Variants in METTL24 observed in about 807,000 individuals in gnomAD.
METTL24 encodes the protein methyltransferase like 24.
A neutral mutation model predicts 32.7 loss-of-function variants in METTL24; 29 were observed. The ratio of observed to expected loss-of-function variants is 0.89; its 90% CI spans 0.66 to 1.21. The LOEUF (loss-of-function observed/expected upper bound fraction) is 1.21. Among genes scored for constraint, METTL24 ranks in the 50% most tolerant of loss-of-function variants. The pLI is 0.00. For missense variants in METTL24, 439 were observed against 468.1 expected, an observed-to-expected ratio of 0.94 and a Z score of 0.57; for synonymous variants, 163 against 179.5, an observed-to-expected ratio of 0.91 and a Z score of 0.73.
In METTL24 at chr6:110,299,051, C is replaced by T; in HGVS notation, c.657G>A (p.Glu219=). 2 of 1,614,208 alleles carry T rather than the reference C, an allele frequency of 1.2e-6. No individual in the cohort carries two copies. The highest frequency in any genetic ancestry group is 2.2e-5 in the South Asian group (2 of 91,082). The stretch of plus-strand genomic sequence containing the variant: ...AGCGGTGATACCAAAGGTGCTGACT[C>T]TCCAGAATGTGAGCTGACTTGACAC... The part of the protein sequence containing the change: ...DPSVKSAHIL[E]SQHLWYHRLS... The change falls in exon 4 of 5, where the codon GAG becomes GAA. Residue 219 remains glutamate (E), a synonymous_variant. Coordinates refer to ENST00000338882, the MANE Select transcript of METTL24 (RefSeq NM_001123364.3).
At chr6:110,334,540 A>T (rs1025333769) in intron 1 of METTL24, among the ~76,000 whole-genome samples, 4 of 152,154 alleles carry the variant, frequency 2.6e-5, no homozygotes. Context: ...CTCCTCTGAG[A>T]CAGGACAAAA....
intron 4 of METTL24, among the ~76,000 whole-genome samples, chr6:110,277,692 C>A (rs1289416045): frequency 2.0e-5 from 3 of 152,126 alleles, no homozygotes; most frequent in Non-Finnish European, 4.4e-5. Context: ...AACAAACCTT[C>A]TTCTACTTGG....
chr6:110,323,280 G>T (rs1403924300), intron 1 of METTL24, among the ~76,000 whole-genome samples: 1 of 152,230 alleles, frequency 6.6e-6, no homozygotes, highest in Non-Finnish European at 1.5e-5. Context: ...TCAAGAATAT[G>T]TGCCTCTCTA....
chr6:110,339,506 G>A (rs1772309235), intron 1 of METTL24, among the ~76,000 whole-genome samples: 1 of 152,156 alleles, frequency 6.6e-6, no homozygotes, highest in African/African-American at 2.4e-5. Context: ...ACTAAAATCT[G>A]GAGGTGTTCT....
Position 110,244,770 on chromosome 6 carries a change from A to G in METTL24, c.*1176T>C, listed in dbSNP as rs1048740072. 6.6e-6 allele frequency among the ~76,000 whole-genome samples: 1 copy of G among 152,114 alleles called. No homozygotes were observed. The highest frequency in any genetic ancestry group is 1.5e-5 in the Non-Finnish European group (1 of 68,026). On this transcript the variant is annotated 3_prime_UTR_variant, in exon 5 of 5. Coordinates refer to ENST00000338882, the MANE Select transcript of METTL24 (RefSeq NM_001123364.3). ...TACCTCTCACCAGGTCCCTCCCACA[A>G]CACGTGGGGATTATGGGAACTACAA...
At chr6:110,266,600 T>C (rs747596549) in intron 4 of METTL24, among the ~76,000 whole-genome samples, 5 of 152,122 alleles carry the variant, frequency 3.3e-5, no homozygotes, top group Non-Finnish European at 5.9e-5. Flanking sequence ...CACTGTCCTA[T>C]CCCTCCTCTC....
intron 4 of METTL24, among the ~76,000 whole-genome samples, chr6:110,291,750 T>C (rs1005749129): frequency 6.6e-6 from 1 of 152,182 alleles, no homozygotes; most frequent in African/African-American, 2.4e-5. Flanking sequence ...TGGGTCCATA[T>C]GTTCTCAGCA....
At chr6:110,349,017 C>T (rs1772538941) in intron 1 of METTL24, among the ~76,000 whole-genome samples, 1 of 152,054 alleles carries the variant, frequency 6.6e-6, no homozygotes, top group Non-Finnish European at 1.5e-5. Flanking sequence ...GATCTCGGTC[C>T]CCTGAAAAGA....
chr6:110,301,637 CA>C (rs1771518649), intron 3 of METTL24, among the ~76,000 whole-genome samples: 1 of 152,192 alleles, frequency 6.6e-6, no homozygotes, highest in Non-Finnish European at 1.5e-5. Context: ...CAGCTAAGCC[CA>C]TCCTGGATCA....
chr6:110,268,762 A>G (rs17071358), intron 4 of METTL24, among the ~76,000 whole-genome samples: 27,400 of 151,962 alleles, frequency 0.18, 3,052 homozygotes, highest in African/African-American at 0.32. Context: ...GCCATTTCAC[A>G]TTTTATAAAA....
At chr6:110,328,776 A>T (rs945049447) in intron 1 of METTL24, among the ~76,000 whole-genome samples, 21 of 152,210 alleles carry the variant, frequency 1.4e-4, no homozygotes, top group Non-Finnish European at 5.9e-5. Flanking sequence ...CATTTAAAAA[A>T]TTTACAGGAA....
At chr6:110,292,445 C>T (rs886593436) in intron 4 of METTL24, among the ~76,000 whole-genome samples, 1 of 151,900 alleles carries the variant, frequency 6.6e-6, no homozygotes, top group Admixed American at 6.6e-5. Context: ...TTCATATAAG[C>T]CATCTGAATC....
intron 4 of METTL24, among the ~76,000 whole-genome samples, chr6:110,249,101 G>C (rs1778225447): frequency 6.6e-6 from 1 of 151,890 alleles, no homozygotes; most frequent in African/African-American, 2.4e-5. Flanking sequence ...GTATTAAAAA[G>C]ACAGAGTAAA....
At position 110,271,334 on chromosome 6, in the gene METTL24, C is replaced by T. The variant is rs141244569; in HGVS notation, c.787-25074G>A. 5.2e-3 allele frequency among the ~76,000 whole-genome samples: 784 copies of T among 151,070 alleles called. 7 individuals are homozygous for T. Among genetic ancestry groups the T allele is most frequent in the African/African-American group, 0.016 (650 of 41,108 alleles). ...TTTTTGAGATAGGGTCTCGCTCTGTCGCCCAGGCTGGAGTACAGTGGCGTA... is the reference window on the plus strand; with the variant it reads ...TTTTTGAGATAGGGTCTCGCTCTGTTGCCCAGGCTGGAGTACAGTGGCGTA... On this transcript the variant is annotated intron_variant, in intron 4 of 4. Transcript: ENST00000338882.
intron 4 of METTL24, among the ~76,000 whole-genome samples, chr6:110,259,655 G>A (rs182541532): frequency 2.6e-5 from 4 of 152,344 alleles, no homozygotes; most frequent in African/African-American, 9.6e-5. Flanking sequence ...TCTGAGAACG[G>A]ACAGACTGCC....
At chr6:110,303,687 TCCATCTCCCTGGGTCAGAG>T (rs901960255) in intron 3 of METTL24, among the ~76,000 whole-genome samples, 17 of 152,142 alleles carry the variant, frequency 1.1e-4, no homozygotes, top group Non-Finnish European at 2.4e-4. Flanking sequence ...AGACAAAACT[TCCATCTCCCTGGGTCAGAG>T]CACCTGGGGG....
At chr6:110,246,623 C>T (rs1040217611) in intron 4 of METTL24, among the ~76,000 whole-genome samples, 1 of 152,164 alleles carries the variant, frequency 6.6e-6, no homozygotes, top group Non-Finnish European at 1.5e-5. Flanking sequence ...GCAAAAATCA[C>T]AACAGACCCT....
At chr6:110,313,928 T>C (rs1771769884) in intron 3 of METTL24, among the ~76,000 whole-genome samples, 1 of 152,250 alleles carries the variant, frequency 6.6e-6, no homozygotes, top group Non-Finnish European at 1.5e-5. Flanking sequence ...TGCTCTTCAT[T>C]TAACCCATAT....
chr6:110,333,654 C>T (rs1404828336), intron 1 of METTL24, among the ~76,000 whole-genome samples: 2 of 152,140 alleles, frequency 1.3e-5, no homozygotes, highest in Non-Finnish European at 2.9e-5. Flanking sequence ...GTTGGCCAGG[C>T]TGGTCTCAAG....
Sources: allele counts gnomAD v4.1 joint callset (sites outside exome capture counted in the v4.1 genomes callset), GRCh38; gene constraint gnomAD v4.1.1; transcripts MANE v1.5; gene names NCBI Gene and HGNC (gene_info 2026-07-23, HGNC 2026-07-21).